The following PIAS4 variants were observed in gnomAD, a reference collection of about 807,000 sequenced individuals.
The protein encoded by PIAS4 is E3 SUMO-protein ligase PIAS4.
In PIAS4, 7 loss-of-function variants were observed where a neutral mutation model predicts 58.0. The observed-to-expected ratio is 0.12, with a 90% CI of 0.07 to 0.23. The LOEUF (loss-of-function observed/expected upper bound fraction) is 0.23, where lower values mean the gene tolerates loss of function less well. Ranked by LOEUF, PIAS4 falls within the 10% of genes least tolerant of loss-of-function variation. PIAS4 has a pLI of 1.00. For synonymous variants in PIAS4, 364 were observed against 312.4 expected, an observed-to-expected ratio of 1.17 and a Z score of -1.74; for missense variants, 550 against 709.5, an observed-to-expected ratio of 0.78 and a Z score of 2.55.
rs182305078 is a variant in PIAS4, at chr19:4,013,424, C to T, written c.454+75C>T. On this transcript the variant is annotated intron_variant, in intron 2 of 10. Transcript: ENST00000262971. The surrounding 1 kb of genome is among the most constrained non-coding windows in gnomAD (Gnocchi z 5.1). ...CGTCGCCCAGCCCAGCCCAGCCACA[C>T]AGCCGACTTCGAGTGATGTTCTCTG... 453 of 1,330,764 alleles carry T rather than the reference C, an allele frequency of 3.4e-4. 3 individuals are homozygous for T. The East Asian group carries it at 9.5e-3, about 28-fold the overall frequency. 82.4% of individuals were successfully genotyped at this position (1,330,764 alleles called of 1,614,324 possible).
At position 4,037,310 on chromosome 19, in the gene PIAS4, G is replaced by A. The variant is rs2040308712; in HGVS notation, c.1143-64G>A. On this transcript the variant is annotated intron_variant, in intron 9 of 10. Transcript: ENST00000262971. This position sits in a 1 kb window ranked among gnomAD's most constrained non-coding sequence, Gnocchi z 5.8. ...CCTGGCTGCATCCGGGAGGGATGGAGGGCTGGGGAGTTGGGGGGGTGGGGC... is the reference window on the plus strand; with the variant it reads ...CCTGGCTGCATCCGGGAGGGATGGAAGGCTGGGGAGTTGGGGGGGTGGGGC... 2.6e-6 allele frequency: 4 copies of A among 1,551,448 alleles called. No individual in the cohort carries two copies. The highest frequency in any genetic ancestry group is 1.4e-5 in the African/African-American group (1 of 73,602).
At chr19:4,027,918 G>A (rs1181834280) in intron 3 of PIAS4, among the ~76,000 whole-genome samples, 2 of 152,034 alleles carry the variant, frequency 1.3e-5, no homozygotes, top group African/African-American at 2.4e-5. Flanking sequence ...TCTGGTTCAG[G>A]GTTTTGCTGT....
chr19:4,027,961 C>G (rs1356203175), intron 3 of PIAS4, among the ~76,000 whole-genome samples, 185 bp from the exon 4 acceptor site: 1 of 152,054 alleles, frequency 6.6e-6, no homozygotes, highest in African/African-American at 2.4e-5. Flanking sequence ...GAGGCCAGCC[C>G]CTCTCCTGAC....
At chr19:4,027,014 AT>A (rs59654164) in intron 3 of PIAS4, among the ~76,000 whole-genome samples, 4 of 147,956 alleles carry the variant, frequency 2.7e-5, no homozygotes, top group African/African-American at 7.4e-5. Context: ...CGCCTGGCTG[AT>A]TTTTTTTTTT....
intron 2 of PIAS4, among the ~76,000 whole-genome samples, chr19:4,020,714 C>T (rs1313028376): frequency 6.6e-6 from 1 of 152,218 alleles, no homozygotes; most frequent in Non-Finnish European, 1.5e-5. Context: ...CTCACCTCAG[C>T]CTCCTGAGTA....
chr19:4,026,086 A>G (rs1289514076), intron 3 of PIAS4, among the ~76,000 whole-genome samples: 1 of 150,970 alleles, frequency 6.6e-6, no homozygotes, highest in East Asian at 1.9e-4. Context: ...AAAAAAAAAA[A>G]AAAAAAAGTT....
chr19:4,032,126 G>A (rs550193590), intron 7 of PIAS4, among the ~76,000 whole-genome samples: 2 of 152,290 alleles, frequency 1.3e-5, no homozygotes, highest in Admixed American at 1.3e-4. Context: ...CTCCCAAGCG[G>A]GCAGAGATAA....
intron 1 of PIAS4, among the ~76,000 whole-genome samples, chr19:4,009,390 C>T (rs1342220761): frequency 6.6e-6 from 1 of 152,174 alleles, no homozygotes; most frequent in Non-Finnish European, 1.5e-5. Flanking sequence ...AAGTGGCAGG[C>T]TCTGGGCTTG....
chr19:4,027,644 G>C (rs1009592090), intron 3 of PIAS4, among the ~76,000 whole-genome samples: 1 of 142,244 alleles, frequency 7.0e-6, no homozygotes, highest in Non-Finnish European at 1.5e-5. Context: ...CTTGCAGCCT[G>C]TGCCTCCATG....
rs1339718900 is a variant in PIAS4 at position 4,037,118 on chromosome 19, A to C, written c.1143-256A>C. On this transcript the variant is annotated intron_variant, in intron 9 of 10. Transcript: ENST00000262971. This position sits in a 1 kb window ranked among gnomAD's most constrained non-coding sequence, Gnocchi z 5.8. ...CTGCTCTTGTGGGTAGTTGGGGGCC[A>C]CTGGGTATGTGTGTCCATGCCCCGT... 2.6e-5 allele frequency among the ~76,000 whole-genome samples: 4 copies of C among 152,216 alleles called. No individual in the cohort carries two copies. Among genetic ancestry groups the C allele is most frequent in the Non-Finnish European group, 1.5e-5 (1 of 68,038 alleles).
At chr19:4,032,368 G>C (rs555699139) in intron 7 of PIAS4, among the ~76,000 whole-genome samples, 3 of 152,254 alleles carry the variant, frequency 2.0e-5, no homozygotes, top group African/African-American at 7.2e-5. Flanking sequence ...CCATGGCCCA[G>C]GGCTGGGGTC....
intron 2 of PIAS4, among the ~76,000 whole-genome samples, chr19:4,016,854 C>A (rs561664830): frequency 6.6e-6 from 1 of 152,228 alleles, no homozygotes; most frequent in African/African-American, 2.4e-5. Flanking sequence ...AGCCTGGGCG[C>A]GGGCGGCAGA....
chr19:4,011,275 C>T (rs920014083), intron 1 of PIAS4, among the ~76,000 whole-genome samples: 4 of 152,240 alleles, frequency 2.6e-5, no homozygotes, highest in African/African-American at 7.2e-5. Flanking sequence ...CTACTGTTTC[C>T]CACCACATCT....
rs984494999 is a variant in PIAS4, at chr19:4,038,231, C to T, written c.*356C>T. On this transcript the variant is annotated 3_prime_UTR_variant, in exon 11 of 11. Coordinates refer to ENST00000262971, the MANE Select transcript of PIAS4 (RefSeq NM_015897.4). This position sits in a 1 kb window ranked among gnomAD's most constrained non-coding sequence, Gnocchi z 4.1. ...CCCCGCGCCCTCCCCTCCGGATGCC[C>T]CGCCGCCCGCCGCCCTCTGCCCACG... 1 of 239,994 alleles carries T rather than the reference C, an allele frequency of 4.2e-6. No homozygotes were observed. The highest frequency in any genetic ancestry group is 2.4e-5 in the African/African-American group (1 of 42,176). 14.9% of individuals were successfully genotyped at this position (239,994 alleles called of 1,614,324 possible).
Position 4,036,336 on chromosome 19 carries a change from A to G in PIAS4, c.1143-1038A>G, listed in dbSNP as rs944452235. Among the ~76,000 whole-genome samples the G allele has an allele frequency of 1.4e-4, 16 of 115,728 alleles. 4 individuals are homozygous for G. Among genetic ancestry groups the G allele is most frequent in the Non-Finnish European group, 3.1e-4 (16 of 52,218 alleles). 75.9% of individuals were successfully genotyped at this position (115,728 alleles called of 152,430 possible). ...CCACACCTGTTACATGCACACATCT[A>G]TACAGTCCACACCGTCACACATCTA... On this transcript the variant is annotated intron_variant, in intron 9 of 10. Transcript: ENST00000262971.
chr19:4,037,562 C>G lies in PIAS4; in HGVS notation c.1274-54C>G. On this transcript the variant is annotated intron_variant, in intron 10 of 10. Transcript: ENST00000262971. This position sits in a 1 kb window ranked among gnomAD's most constrained non-coding sequence, Gnocchi z 5.8. ...GCAGCCAGGGCCGCCTCAGTTTCCC[C>G]ATTTATCAGTGGTTGCATCCTAAGT... The G allele has an allele frequency of 1.2e-6, 2 of 1,607,528 alleles. No individual in the cohort carries two copies. The highest frequency in any genetic ancestry group is 1.7e-6 in the Non-Finnish European group (2 of 1,179,748).
In PIAS4 at chr19:4,013,811, G is replaced by T. The variant is rs1205054991; in HGVS notation, c.454+462G>T. On this transcript the variant is annotated intron_variant, in intron 2 of 10. Coordinates refer to ENST00000262971, the MANE Select transcript of PIAS4 (RefSeq NM_015897.4). This position sits in a 1 kb window ranked among gnomAD's most constrained non-coding sequence, Gnocchi z 5.1. ...TGCACGGATTGCCTGGGCGTCCTCA[G>T]CCTGGTGGCTCCCTCACCCTAGGGT... Among the ~76,000 whole-genome samples the T allele has an allele frequency of 6.6e-6, 1 of 152,184 alleles. No homozygotes were observed. Among genetic ancestry groups the T allele is most frequent in the Non-Finnish European group, 1.5e-5 (1 of 68,020 alleles).
chr19:4,016,076 T>C (rs981832682), intron 2 of PIAS4, among the ~76,000 whole-genome samples: 8 of 152,236 alleles, frequency 5.3e-5, no homozygotes, highest in Non-Finnish European at 1.0e-4. Flanking sequence ...CTCCTGCTCC[T>C]GAGCAGAGGC....
In PIAS4 at chr19:4,013,555, C is replaced by T. The variant is rs111572365; in HGVS notation, c.454+206C>T. 3.2e-4 allele frequency among the ~76,000 whole-genome samples: 48 copies of T among 152,264 alleles called. No homozygotes were observed. The highest frequency in any genetic ancestry group is 1.0e-3 in the African/African-American group (42 of 41,542). ...CCCCTTGCTGTGTTACAAGTTACCC[C>T]GAAATGGAGCCACTGGAAGCAGGGG... is the stretch of plus-strand genomic sequence containing the variant. On this transcript the variant is annotated intron_variant, in intron 2 of 10. Transcript: ENST00000262971. The surrounding 1 kb of genome is among the most constrained non-coding windows in gnomAD (Gnocchi z 5.1).
Sources: allele counts gnomAD v4.1 joint callset (sites outside exome capture counted in the v4.1 genomes callset), GRCh38; gene constraint gnomAD v4.1.1; non-coding constraint Gnocchi (gnomAD v3.1); transcripts MANE v1.5; gene names NCBI Gene and HGNC (gene_info 2026-07-23, HGNC 2026-07-21).